Variants in TNFSF4 observed in about 807,000 individuals in gnomAD.
The protein encoded by TNFSF4 is tumor necrosis factor ligand superfamily member 4.
Under a neutral mutation model 7.3 loss-of-function variants are expected in TNFSF4, and 4 were observed. That is an observed-to-expected ratio of 0.55 (90% CI 0.27 to 1.25). The LOEUF (loss-of-function observed/expected upper bound fraction) is 1.25, where lower values mean the gene tolerates loss of function less well. Among genes scored for constraint, TNFSF4 ranks in the 50% most tolerant of loss-of-function variants. The pLI is 0.12. For synonymous variants in TNFSF4, 76 were observed against 83.7 expected (o/e 0.91, Z 0.50); for missense variants, 181 against 208.8 (o/e 0.87, Z 0.82).
chr1:173,199,960 A>C (rs1649873327), intron 1 of TNFSF4, among the ~76,000 whole-genome samples: 2 of 152,218 alleles, frequency 1.3e-5, no homozygotes, highest in Admixed American at 6.5e-5. Context: ...TGCTTTGACC[A>C]TTTTATAAAA....
intron 2 of TNFSF4, among the ~76,000 whole-genome samples, chr1:173,187,660 G>A (rs1255104985): frequency 3.3e-5 from 5 of 152,208 alleles, no homozygotes; most frequent in Non-Finnish European, 7.3e-5. Context: ...GGTACTTTGG[G>A]AAGAGTCACT....
At chr1:173,235,373 T>C in the TNFSF4 span, among the ~76,000 whole-genome samples, 11 of 152,156 alleles carry the variant, frequency 7.2e-5, no homozygotes, top group Admixed American at 7.2e-4. Context: ...CCACCACACA[T>C]GAGCTGAAAA....
At chr1:173,328,459 C>T in the TNFSF4 span, among the ~76,000 whole-genome samples, 34 of 151,436 alleles carry the variant, frequency 2.2e-4, no homozygotes, top group African/African-American at 8.2e-4. Context: ...ACATATGTAA[C>T]AAACCTGCAC....
the TNFSF4 span, among the ~76,000 whole-genome samples, chr1:173,215,137 C>A: frequency 6.6e-6 from 1 of 152,108 alleles, no homozygotes; most frequent in Non-Finnish European, 1.5e-5. Context: ...ACACCAGAGA[C>A]CTTGAGCCAT....
upstream of TNFSF4, among the ~76,000 whole-genome samples, chr1:173,210,735 A>G (rs201550503): frequency 8.6e-3 from 1,303 of 151,016 alleles, 25 homozygotes; most frequent in African/African-American, 0.022. Flanking sequence ...TAGGGGGGGG[A>G]AAAGAGACAG....
chr1:173,204,064 G>C (rs560625228), intron 1 of TNFSF4, among the ~76,000 whole-genome samples: 1 of 152,222 alleles, frequency 6.6e-6, no homozygotes, highest in South Asian at 2.1e-4. Flanking sequence ...AGGTTATTTA[G>C]ATATGTACAG....
chr1:173,193,224 G>T (rs1401366682), intron 1 of TNFSF4, among the ~76,000 whole-genome samples: 1 of 152,128 alleles, frequency 6.6e-6, no homozygotes, highest in Non-Finnish European at 1.5e-5. Context: ...AAAATCCCCA[G>T]ATCTTCTCCA....
chr1:173,200,012 TTA>T (rs1247846797), intron 1 of TNFSF4, among the ~76,000 whole-genome samples: 1 of 152,240 alleles, frequency 6.6e-6, no homozygotes, highest in African/African-American at 2.4e-5. Flanking sequence ...GCTTTGTTGA[TTA>T]TGTTATCTAC....
At chr1:173,294,801 G>A in the TNFSF4 span, among the ~76,000 whole-genome samples, 4 of 151,912 alleles carry the variant, frequency 2.6e-5, no homozygotes, top group South Asian at 2.1e-4. Context: ...TGGATACAGA[G>A]GGCAGACTAG....
the TNFSF4 span, among the ~76,000 whole-genome samples, chr1:173,271,094 G>A: frequency 1.3e-5 from 2 of 152,118 alleles, no homozygotes; most frequent in Non-Finnish European, 2.9e-5. Flanking sequence ...TCTGTAGGTT[G>A]CCTGTTCACT....
chr1:173,403,855 T>C, the TNFSF4 span, among the ~76,000 whole-genome samples: 6 of 149,636 alleles, frequency 4.0e-5, no homozygotes, highest in Admixed American at 4.0e-4. Context: ...TGAGCTGAGA[T>C]CACACCACTG....
chr1:173,375,516 C>A, the TNFSF4 span, among the ~76,000 whole-genome samples: 1 of 152,198 alleles, frequency 6.6e-6, no homozygotes, highest in Non-Finnish European at 1.5e-5. Context: ...TCAATCAGCA[C>A]TCTGTAGCTA....
At chr1:173,189,297 A>G (rs1649372476) in intron 1 of TNFSF4, among the ~76,000 whole-genome samples, 1 of 152,150 alleles carries the variant, frequency 6.6e-6, no homozygotes, top group Non-Finnish European at 1.5e-5. Flanking sequence ...TCAATCCATC[A>G]TGGCCACAGA....
the TNFSF4 span, among the ~76,000 whole-genome samples, chr1:173,238,234 A>G: frequency 1.3e-5 from 2 of 152,142 alleles, no homozygotes; most frequent in Non-Finnish European, 2.9e-5. Context: ...TCCTTACACC[A>G]TATCGAAAAA....
the TNFSF4 span, among the ~76,000 whole-genome samples, chr1:173,419,185 CA>C: frequency 1.3e-5 from 2 of 151,752 alleles, no homozygotes; most frequent in African/African-American, 4.8e-5. Context: ...CAAAAAAATA[CA>C]AAAAAATTAG....
At chr1:173,232,584 A>G in the TNFSF4 span, among the ~76,000 whole-genome samples, 1 of 152,202 alleles carries the variant, frequency 6.6e-6, no homozygotes, top group African/African-American at 2.4e-5. Context: ...TTGCCCATTC[A>G]GTATGATATT....
At chr1:173,180,684 G>T (rs1007755248), downstream of TNFSF4, among the ~76,000 whole-genome samples, 3 of 152,126 alleles carry the variant, frequency 2.0e-5, no homozygotes, top group African/African-American at 7.2e-5. Context: ...GTGTTCAAGA[G>T]TTTAAAATAG....
chr1:173,328,687 A>G, the TNFSF4 span, among the ~76,000 whole-genome samples: 2 of 152,084 alleles, frequency 1.3e-5, no homozygotes. Flanking sequence ...TAAAATTTTA[A>G]AAAAATAAAA....
At chr1:173,286,212 A>C in the TNFSF4 span, among the ~76,000 whole-genome samples, 1 of 152,202 alleles carries the variant, frequency 6.6e-6, no homozygotes, top group East Asian at 1.9e-4. Flanking sequence ...CCAACTTAAG[A>C]ACCCAGCTAA....
Sources: allele counts gnomAD v4.1 joint callset (sites outside exome capture counted in the v4.1 genomes callset), GRCh38; gene constraint gnomAD v4.1.1; transcripts MANE v1.5; gene names NCBI Gene and HGNC (gene_info 2026-07-23, HGNC 2026-07-21).